The following PPP1R3A variants were observed in gnomAD, a reference collection of about 807,000 sequenced individuals.
PPP1R3A encodes protein phosphatase 1 regulatory subunit 3A.
A neutral mutation model predicts 41.7 loss-of-function variants in PPP1R3A; 29 were observed. That is an observed-to-expected ratio of 0.70 (90% confidence interval 0.52 to 0.95). The LOEUF (loss-of-function observed/expected upper bound fraction) is 0.95, where lower values mean the gene tolerates loss of function less well. Ranked by LOEUF, PPP1R3A falls within the 40% of genes least tolerant of loss-of-function variation. The pLI is 0.00. For missense variants in PPP1R3A, 1,352 were observed against 1,292.4 expected, an observed-to-expected ratio of 1.05 and a Z score of -0.71; for synonymous variants, 485 against 453.4, an observed-to-expected ratio of 1.07 and a Z score of -0.89.
intron 1 of PPP1R3A, among the ~76,000 whole-genome samples, chr7:113,887,467 G>A (rs1237615224): frequency 6.6e-6 from 1 of 151,968 alleles, no homozygotes; most frequent in Non-Finnish European, 1.5e-5. Context: ...AAGCTATAAT[G>A]TGAAGATGGA....
chr7:113,877,705 A>T lies in PPP1R3A; in HGVS notation c.*18T>A, dbSNP rs758415604. The T allele has an allele frequency of 2.6e-6, 4 of 1,522,594 alleles. No individual in the cohort carries two copies. 94.3% of individuals were successfully genotyped at this position (1,522,594 alleles called of 1,614,324 possible). A position where few individuals can be genotyped will look rare whatever the true frequency, so the allele number is the denominator to read the frequency against. ...GGTTAAATAGCTTATCTTTTAAGAGAGAATAGTAGTGCTGAGGTTACTTCT... is the reference window on the plus strand; with the variant it reads ...GGTTAAATAGCTTATCTTTTAAGAGTGAATAGTAGTGCTGAGGTTACTTCT... On this transcript the variant is annotated 3_prime_UTR_variant, in exon 4 of 4. Transcript: ENST00000284601.
intron 1 of PPP1R3A, among the ~76,000 whole-genome samples, chr7:113,892,873 C>G (rs1298249046): frequency 2.0e-5 from 3 of 152,042 alleles, no homozygotes; most frequent in African/African-American, 7.2e-5. Flanking sequence ...GGACTAATAA[C>G]TGACACAGTA....
rs1226280316 is a variant in PPP1R3A at position 113,879,326 on chromosome 7, A to T, written c.1766T>A (p.Leu589Ter). 1.2e-6 allele frequency: 2 copies of T among 1,613,422 alleles called. No individual in the cohort carries two copies. ...GGTTAACACAGCTTCTTCCCAACTTAAATTTGTCCTTGGTGAATGAGACAC... is the reference window on the plus strand; with the variant it reads ...GGTTAACACAGCTTCTTCCCAACTTTAATTTGTCCTTGGTGAATGAGACAC... Reference protein sequence around the residue: ...ADVSHSPRTNLSWEEAVLTPE... With the variant: ...ADVSHSPRTN The change falls in exon 4 of 4, where the codon TTA becomes TAA. Residue 589 changes from leucine to a stop codon, truncating the protein, a stop_gained. Coordinates refer to ENST00000284601, the MANE Select transcript of PPP1R3A (RefSeq NM_002711.4). LOFTEE classifies it low-confidence loss of function (END_TRUNC).
At chr7:113,883,064 C>T (rs1341098649) in intron 1 of PPP1R3A, among the ~76,000 whole-genome samples, 1 of 151,880 alleles carries the variant, frequency 6.6e-6, no homozygotes, top group East Asian at 1.9e-4. Flanking sequence ...ATACCTTTTT[C>T]CTTCAAATGT....
At chr7:113,883,771 G>C (rs1207352951) in intron 1 of PPP1R3A, among the ~76,000 whole-genome samples, 1 of 151,764 alleles carries the variant, frequency 6.6e-6, no homozygotes, top group Non-Finnish European at 1.5e-5. Context: ...ATACAATACT[G>C]AAAGTATTAT....
intron 1 of PPP1R3A, among the ~76,000 whole-genome samples, chr7:113,883,340 C>A (rs1000785012): frequency 6.6e-6 from 1 of 152,004 alleles, no homozygotes; most frequent in African/African-American, 2.4e-5. Flanking sequence ...AGAGTCTAGA[C>A]TTCATTGCAT....
At chr7:113,883,443 TA>T (rs1381772596) in intron 1 of PPP1R3A, among the ~76,000 whole-genome samples, 1 of 152,034 alleles carries the variant, frequency 6.6e-6, no homozygotes, top group Non-Finnish European at 1.5e-5. Context: ...TGCAAGAAGA[TA>T]ATTCAGTTTT....
At position 113,877,521 on chromosome 7, in the gene PPP1R3A, T is replaced by A; in HGVS notation, c.*202A>T. On this transcript the variant is annotated 3_prime_UTR_variant, in exon 4 of 4. Transcript: ENST00000284601. ...ACGTGCTTCAGATCTCATATTCATA[T>A]AGGTATTTAATGATCCAAACATAAT... The A allele has an allele frequency of 2.1e-6, 1 of 485,176 alleles. No individual in the cohort carries two copies. Among genetic ancestry groups the A allele is most frequent in the East Asian group, 3.3e-5 (1 of 30,506 alleles). 30.1% of individuals were successfully genotyped at this position (485,176 alleles called of 1,614,324 possible).
chr7:113,905,996 T>C (rs534556479), intron 1 of PPP1R3A, among the ~76,000 whole-genome samples: 17 of 151,950 alleles, frequency 1.1e-4, no homozygotes, highest in Admixed American at 3.9e-4. Flanking sequence ...ATGTTAGAAT[T>C]ACTTGAACTT....
chr7:113,913,211 T>G (rs1260252719), intron 1 of PPP1R3A, among the ~76,000 whole-genome samples: 1 of 152,114 alleles, frequency 6.6e-6, no homozygotes. Context: ...AAAGGCCTCG[T>G]GGGGCTATTT....
At chr7:113,912,696 C>A (rs2129120922) in intron 1 of PPP1R3A, among the ~76,000 whole-genome samples, 1 of 152,156 alleles carries the variant, frequency 6.6e-6, no homozygotes, top group African/African-American at 2.4e-5. Context: ...TCTTTTTCTT[C>A]TTCCTTTTTT....
Position 113,878,359 on chromosome 7 carries a change from C to T in PPP1R3A, c.2733G>A (p.Gln911=), listed in dbSNP as rs753397236. Residue 911 remains glutamine (Q), a synonymous_variant, in exon 4 of 4, where the codon CAG becomes CAA. Transcript: ENST00000284601. ...AFNSDTNRAP[Q]NSSPFSKHHT... ...GATGTTTGGAAAAAGGAGAGCTATT[C>T]TGAGGAGCTCTATTAGTGTCTGAGT... 5 of 1,612,632 alleles carry T rather than the reference C, an allele frequency of 3.1e-6. No homozygotes were observed. Among genetic ancestry groups the T allele is most frequent in the Non-Finnish European group, 4.2e-6 (5 of 1,179,654 alleles).
Position 113,877,810 on chromosome 7 carries a change from T to G in PPP1R3A, c.3282A>C (p.Leu1094Phe), listed in dbSNP as rs1796594850. 1 of 1,607,032 alleles carries G rather than the reference T, an allele frequency of 6.2e-7. No individual in the cohort carries two copies. Among genetic ancestry groups the G allele is most frequent in the East Asian group, 2.2e-5 (1 of 44,782 alleles). The change falls in exon 4 of 4, where the codon TTA (leucine) becomes TTC (phenylalanine). Residue 1094 changes from leucine (L) to phenylalanine (F), a missense_variant. Transcript: ENST00000284601. Reference sequence around the variant, plus strand: ...AAACGTAGAATGTCAAGCCAATCATTAAGTCATAATGGTAGACAGTTATAA... The same window carrying G: ...AAACGTAGAATGTCAAGCCAATCATGAAGTCATAATGGTAGACAGTTATAA... ...IFLITVYHYD[L>F]MIGLTFYVLS...
At chr7:113,886,612 T>G (rs1167571665) in intron 1 of PPP1R3A, among the ~76,000 whole-genome samples, 1 of 152,178 alleles carries the variant, frequency 6.6e-6, no homozygotes, top group African/African-American at 2.4e-5. Flanking sequence ...TGAGTAGAAT[T>G]CAGTCACTGT....
At chr7:113,909,699 T>C (rs1797211375) in intron 1 of PPP1R3A, among the ~76,000 whole-genome samples, 1 of 152,102 alleles carries the variant, frequency 6.6e-6, no homozygotes, top group Admixed American at 6.6e-5. Context: ...ATTGAGGTTA[T>C]TTGACATGGA....
In PPP1R3A at chr7:113,884,342, CT is replaced by C. The variant is rs775766871; in HGVS notation, c.783-2023del. Among the ~76,000 whole-genome samples, 13 of 151,922 alleles carry C rather than the reference CT, an allele frequency of 8.6e-5. No homozygotes were observed. In the East Asian group the frequency reaches 2.5e-3, roughly 30 times the overall value. ...TCTGAGAAATAGCAGGGAGGAGGAA[CT>C]TTTTTTATCAGATTAAGTATTTTTA... On this transcript the variant is annotated intron_variant, in intron 1 of 3. Coordinates refer to ENST00000284601, the MANE Select transcript of PPP1R3A (RefSeq NM_002711.4).
At chr7:113,908,976 CA>C (rs1003608146) in intron 1 of PPP1R3A, among the ~76,000 whole-genome samples, 1 of 151,630 alleles carries the variant, frequency 6.6e-6, no homozygotes, top group African/African-American at 2.4e-5. Flanking sequence ...ACAACAGACA[CA>C]GGGGACGATA....
chr7:113,884,910 C>T (rs1470976855), intron 1 of PPP1R3A, among the ~76,000 whole-genome samples: 1 of 151,610 alleles, frequency 6.6e-6, no homozygotes, highest in Non-Finnish European at 1.5e-5. Context: ...AAACACATAG[C>T]CAATAAGCAC....
In PPP1R3A at chr7:113,879,381, C is replaced by A. The variant is rs765161960; in HGVS notation, c.1711G>T (p.Ala571Ser). The A allele has an allele frequency of 2.5e-6, 4 of 1,613,332 alleles. No homozygotes were observed. Among genetic ancestry groups the A allele is most frequent in the East Asian group, 2.2e-5 (1 of 44,840 alleles). ...DLATLLSEHT[A>S]IPTRAITADV... ...GCTGTGATTGCCCGGGTGGGGATTG[C>A]GGTATGTTCGCTCAGCAGAGTAGCC... Residue 571 changes from alanine (A) to serine (S), a missense_variant, in exon 4 of 4, where the codon GCA becomes TCA. Physicochemically the swap from Ala to Ser is moderately conservative, Grantham distance 99. Coordinates refer to ENST00000284601, the MANE Select transcript of PPP1R3A (RefSeq NM_002711.4).
Sources: gnomAD v4.1 joint callset for allele counts (sites outside exome capture counted in the v4.1 genomes callset) on GRCh38, gnomAD v4.1.1 for gene constraint, MANE v1.5 for transcripts, NCBI Gene and HGNC (gene_info 2026-07-23, HGNC 2026-07-21) for gene names.